Variants in NDUFB4 observed in about 807,000 individuals in gnomAD.
The protein encoded by NDUFB4 is NADH:ubiquinone oxidoreductase subunit B4, also known as NADH dehydrogenase [ubiquinone] 1 beta subcomplex subunit 4.
In NDUFB4, 10 loss-of-function variants were observed where a neutral mutation model predicts 14.5. That is an observed-to-expected ratio of 0.69 (90% confidence interval 0.43 to 1.17). The LOEUF (loss-of-function observed/expected upper bound fraction) is 1.17, where lower values mean the gene tolerates loss of function less well. NDUFB4 is among the 50% of genes most tolerant of loss of function. The pLI, the probability that NDUFB4 is intolerant of heterozygous loss-of-function variation, is 0.00. For synonymous variants in NDUFB4, 65 were observed against 63.4 expected, an observed-to-expected ratio of 1.03 and a Z score of -0.12; for missense variants, 165 against 161.1, an observed-to-expected ratio of 1.02 and a Z score of -0.13.
chr3:120,599,360 G>A (rs1330287320), intron 1 of NDUFB4, among the ~76,000 whole-genome samples: 1 of 152,070 alleles, frequency 6.6e-6, no homozygotes, highest in Non-Finnish European at 1.5e-5. Flanking sequence ...CCTTTAGATA[G>A]ATTATTTAAA....
rs1223873949 is a variant in NDUFB4, at chr3:120,596,421, C to G, written c.62C>G (p.Ala21Gly). Residue 21 changes from alanine (A) to glycine (G), a missense_variant, in exon 1 of 3, where the codon GCC becomes GGC. Ala to Gly is a moderately conservative substitution (Grantham distance 60). Coordinates refer to ENST00000184266, the MANE Select transcript of NDUFB4 (RefSeq NM_004547.6). The part of the protein sequence containing the change: ...LRTLPETLDP[A>G]EYNISPETRR... ...ACTCTGCCTGAGACCCTCGACCCAG[C>G]CGAATACAACATATCTCCGGAAACC... The G allele has an allele frequency of 6.2e-7, 1 of 1,614,166 alleles. No homozygotes were observed.
intron 1 of NDUFB4, among the ~76,000 whole-genome samples, chr3:120,599,632 T>C (rs1940024200): frequency 6.6e-6 from 1 of 152,104 alleles, no homozygotes; most frequent in Non-Finnish European, 1.5e-5. Flanking sequence ...ACTCTCTTCA[T>C]AGTGTGTCTT....
At chr3:120,601,587 A>G in intron 2 of NDUFB4, 6 of 1,161,174 alleles carry the variant, frequency 5.2e-6, no homozygotes, top group Non-Finnish European at 4.2e-6. Flanking sequence ...TTGCAAATTA[A>G]TGTTAAAACC....
chr3:120,596,435 T>A lies in NDUFB4; in HGVS notation c.76T>A (p.Ser26Thr). The change falls in exon 1 of 3, where the codon TCT becomes ACT. Residue 26 changes from serine (S) to threonine (T), a missense_variant. By Grantham distance (58) the Ser-to-Thr change is moderately conservative. Coordinates refer to ENST00000184266, the MANE Select transcript of NDUFB4 (RefSeq NM_004547.6). The part of the protein sequence containing the change: ...ETLDPAEYNI[S>T]PETRRAQAER... ...CCTCGACCCAGCCGAATACAACATA[T>A]CTCCGGAAACCCGGCGGGCGCAAGC... 1 of 1,614,004 alleles carries A rather than the reference T, an allele frequency of 6.2e-7. No individual in the cohort carries two copies. The highest frequency in any genetic ancestry group is 1.1e-5 in the South Asian group (1 of 91,064).
rs537707665 is a variant in NDUFB4 at position 120,600,973 on chromosome 3, T to A, written c.181-138T>A. ...AATGAAAGATCTTTCCTGAAGCTGT[T>A]TAGGAATATTCATGATATACCCTTA... On this transcript the variant is annotated intron_variant, in intron 1 of 2. Transcript: ENST00000184266. 7.4e-6 allele frequency: 5 copies of A among 679,236 alleles called. No homozygotes were observed. In the East Asian group the frequency reaches 1.4e-4, roughly 18 times the overall value. 42.1% of individuals were successfully genotyped at this position (679,236 alleles called of 1,614,324 possible). A position where few individuals can be genotyped will look rare whatever the true frequency, so the allele number is the denominator to read the frequency against.
chr3:120,601,247 A>G lies in NDUFB4; in HGVS notation c.317A>G (p.Lys106Arg), dbSNP rs747559608. 2.5e-6 allele frequency: 4 copies of G among 1,614,082 alleles called. No individual in the cohort carries two copies. Among genetic ancestry groups the G allele is most frequent in the Non-Finnish European group, 3.4e-6 (4 of 1,180,002 alleles). The change falls in exon 2 of 3, where the codon AAA becomes AGA. Residue 106 changes from lysine (K) to arginine (R), a missense_variant. Lys to Arg is a conservative substitution (Grantham distance 26). Transcript: ENST00000184266. ...GPLIFIYYIIKTERDRKEKLI... is the reference protein window; with the variant it reads ...GPLIFIYYIIRTERDRKEKLI... ...CTCATCTTCATTTATTATATTATCA[A>G]AACTGAGAGGGTAAGTATTCAGACC...
chr3:120,597,828 T>C lies in NDUFB4; in HGVS notation c.180+1289T>C, dbSNP rs559716002. ...ACACATTTATTACAAACTCACATGA[T>C]TGGGTTTGATGTGTTAGTGTGATGC... On this transcript the variant is annotated intron_variant, in intron 1 of 2. Transcript: ENST00000184266. Among the ~76,000 whole-genome samples, 84 of 152,162 alleles carry C rather than the reference T, an allele frequency of 5.5e-4. 3 individuals carry two copies. The South Asian group carries it at 0.017, about 30-fold the overall frequency.
chr3:120,598,538 A>G (rs1371395377), intron 1 of NDUFB4, among the ~76,000 whole-genome samples: 5 of 152,162 alleles, frequency 3.3e-5, no homozygotes, highest in Non-Finnish European at 7.4e-5. Context: ...ATCATTTAAC[A>G]TGTTAGTGGT....
intron 1 of NDUFB4, chr3:120,600,811 T>C: frequency 3.3e-6 from 1 of 305,268 alleles, no homozygotes; most frequent in South Asian, 4.7e-5. Context: ...AAAAGTGGCT[T>C]CTCTGACAGT....
rs1198763352 is a variant in NDUFB4 at position 120,596,455 on chromosome 3, G to A, written c.96G>A (p.Ala32=). ...ACATATCTCCGGAAACCCGGCGGGC[G>A]CAAGCCGAGCGGTTGGCCATAAGAG... is the stretch of plus-strand genomic sequence containing the variant. The part of the protein sequence containing the change: ...EYNISPETRR[A]QAERLAIRAQ... The change falls in exon 1 of 3, where the codon GCG becomes GCA. Residue 32 remains alanine (A), a synonymous_variant. Transcript: ENST00000184266. The A allele has an allele frequency of 3.1e-6, 5 of 1,613,738 alleles. No homozygotes were observed. In the African/African-American group the frequency reaches 4.0e-5, roughly 13 times the overall value.
chr3:120,598,546 G>A (rs1397872049), intron 1 of NDUFB4, among the ~76,000 whole-genome samples: 2 of 152,074 alleles, frequency 1.3e-5, no homozygotes, highest in Admixed American at 6.6e-5. Context: ...ACATGTTAGT[G>A]GTAAGTGATG....
chr3:120,601,099 C>A lies in NDUFB4; in HGVS notation c.181-12C>A, dbSNP rs781729002. On this transcript the variant is annotated splice_polypyrimidine_tract_variant and intron_variant, in intron 1 of 2. Transcript: ENST00000184266. ...CTTAAGTTCTATAACTTTTTGTTTTCATTAATTTTAGGAAAATCCTGCCTT... is the reference window on the plus strand; with the variant it reads ...CTTAAGTTCTATAACTTTTTGTTTTAATTAATTTTAGGAAAATCCTGCCTT... 1.9e-6 allele frequency: 3 copies of A among 1,595,842 alleles called. No individual in the cohort carries two copies. The East Asian group carries it at 6.7e-5, about 36-fold the overall frequency.
At position 120,596,507 on chromosome 3, in the gene NDUFB4, C is replaced by A. The variant is rs1481350456; in HGVS notation, c.148C>A (p.Gln50Lys). 6.2e-7 allele frequency: 1 copy of A among 1,613,836 alleles called. No individual in the cohort carries two copies. Residue 50 changes from glutamine to lysine, a missense_variant, in exon 1 of 3, where the codon CAG (glutamine) becomes AAG (lysine). Gln to Lys is a moderately conservative substitution (Grantham distance 53, BLOSUM62 1). Coordinates refer to ENST00000184266, the MANE Select transcript of NDUFB4 (RefSeq NM_004547.6). ...RAQLKREYLL[Q>K]YNDPNRRGLI... ...CCAGCTGAAACGAGAGTACCTGCTT[C>A]AGTACAACGATCCCAACCGCCGAGG... is the stretch of plus-strand genomic sequence containing the variant.
In NDUFB4 at chr3:120,601,154, A is replaced by G. The variant is rs760344622; in HGVS notation, c.224A>G (p.Asn75Ser). 5 of 1,613,874 alleles carry G rather than the reference A, an allele frequency of 3.1e-6. No individual in the cohort carries two copies. The highest frequency in any genetic ancestry group is 1.6e-4 in the Middle Eastern group (1 of 6,076). Reference sequence around the variant, plus strand: ...CGTTGGGCCTATGCAAGAACAATAAATGTCTATCCTAATTTCAGACCCACT... The same window carrying G: ...CGTTGGGCCTATGCAAGAACAATAAGTGTCTATCCTAATTTCAGACCCACT... ...LLRWAYARTI[N>S]VYPNFRPTPK... Residue 75 changes from asparagine (N) to serine (S), a missense_variant, in exon 2 of 3, where the codon AAT becomes AGT. Transcript: ENST00000184266.
chr3:120,597,050 CTATA>C (rs1461033847), intron 1 of NDUFB4, among the ~76,000 whole-genome samples: 5 of 144,336 alleles, frequency 3.5e-5, no homozygotes, highest in African/African-American at 5.1e-5. Flanking sequence ...ATATTATATT[CTATA>C]TATATGCATA....
intron 2 of NDUFB4, 157 bp downstream of exon 2, chr3:120,601,414 C>T: frequency 6.8e-7 from 1 of 1,469,532 alleles, no homozygotes; most frequent in Non-Finnish European, 8.9e-7. Flanking sequence ...TTATTCCTTT[C>T]CAGCAGGAGT....
chr3:120,596,949 CAT>C (rs1559772814), intron 1 of NDUFB4, among the ~76,000 whole-genome samples: 1 of 142,566 alleles, frequency 7.0e-6, no homozygotes, highest in Non-Finnish European at 1.5e-5. Flanking sequence ...TATATATATG[CAT>C]ATATATATTA....
chr3:120,600,694 T>C (rs1453397069), intron 1 of NDUFB4, among the ~76,000 whole-genome samples: 1 of 152,190 alleles, frequency 6.6e-6, no homozygotes, highest in African/African-American at 2.4e-5. Flanking sequence ...ATAGAGCATA[T>C]GAAATCTGTT....
chr3:120,601,353 C>G, intron 2 of NDUFB4, 96 bp downstream of exon 2: 1 of 1,571,886 alleles, frequency 6.4e-7, no homozygotes, highest in Non-Finnish European at 8.6e-7. Context: ...CACCAGTGCC[C>G]CTCCCACCTT....
Sources: gnomAD v4.1 joint callset for allele counts (sites outside exome capture counted in the v4.1 genomes callset) on GRCh38, gnomAD v4.1.1 for gene constraint, MANE v1.5 for transcripts, NCBI Gene and HGNC (gene_info 2026-07-23, HGNC 2026-07-21) for gene names.